Variants in RARB observed in about 807,000 individuals in gnomAD.
RARB encodes the protein retinoic acid receptor beta, also known as HBV-activated protein.
RARB carries 17 observed loss-of-function variants against 51.9 expected under a neutral mutation model. The ratio of observed to expected loss-of-function variants is 0.33; its 90% CI spans 0.22 to 0.49. The LOEUF is 0.49. Among genes scored for constraint, RARB ranks in the 20% least tolerant of loss-of-function variants. The probability of loss-of-function intolerance (pLI) is 0.99; values close to 1 mark genes in which losing one functional copy is unlikely to be tolerated. For synonymous variants in RARB, 215 were observed against 195.4 expected, an observed-to-expected ratio of 1.10 and a Z score of -0.84; for missense variants, 369 against 550.8, an observed-to-expected ratio of 0.67 and a Z score of 3.30.
At chr3:24,934,441 T>C (rs1273918695) in intron 2 of RARB, among the ~76,000 whole-genome samples, 1 of 152,116 alleles carries the variant, frequency 6.6e-6, no homozygotes, top group Non-Finnish European at 1.5e-5. Flanking sequence ...CTTTCTGAGT[T>C]ACACATTTGC....
intron 5 of RARB, among the ~76,000 whole-genome samples, chr3:25,252,435 G>C (rs1702747997): frequency 6.6e-6 from 1 of 152,088 alleles, no homozygotes; most frequent in Non-Finnish European, 1.5e-5. Flanking sequence ...AGATCAATTA[G>C]GTAAATATTG....
Position 25,174,752 on chromosome 3 carries a change from G to A in RARB, c.178+177G>A, listed in dbSNP as rs143567452. ...AGATATGATTTGAAACTAGACAAGT[G>A]GCAAATTTTAGAATTCAACCCGTTC... On this transcript the variant is annotated intron_variant, in intron 5 of 11. Coordinates refer to the RARB transcript ENST00000383772. Among the ~76,000 whole-genome samples, 338 of 152,222 alleles carry A rather than the reference G, an allele frequency of 2.2e-3. 3 individuals are homozygous for A. Among genetic ancestry groups the A allele is most frequent in the African/African-American group, 7.7e-3 (321 of 41,520 alleles).
chr3:25,105,155 G>A (rs376111765), intron 3 of RARB, among the ~76,000 whole-genome samples: 3 of 152,094 alleles, frequency 2.0e-5, no homozygotes, highest in East Asian at 3.9e-4. Flanking sequence ...TATTTTTAGT[G>A]TCAGACAGTT....
At chr3:25,040,530 C>A (rs550992090) in intron 2 of RARB, among the ~76,000 whole-genome samples, 2 of 152,104 alleles carry the variant, frequency 1.3e-5, no homozygotes, top group Non-Finnish European at 2.9e-5. Context: ...GACAGAAGTT[C>A]GAGACCAGCC....
intron 5 of RARB, among the ~76,000 whole-genome samples, chr3:25,252,747 GTGGAAGGAC>G (rs1450686878): frequency 2.6e-5 from 4 of 151,880 alleles, no homozygotes; most frequent in Non-Finnish European, 5.9e-5. Flanking sequence ...AAATTTTTTT[GTGGAAGGAC>G]TGCTTCAAAT....
intron 3 of RARB, among the ~76,000 whole-genome samples, chr3:25,083,257 T>A (rs1321792772): frequency 6.6e-6 from 1 of 152,170 alleles, no homozygotes; most frequent in Non-Finnish European, 1.5e-5. Context: ...TCTTACCAAA[T>A]CTGTCTTTTC....
At chr3:25,378,180 A>C (rs933574926) in intron 5 of RARB, among the ~76,000 whole-genome samples, 23 of 152,120 alleles carry the variant, frequency 1.5e-4, no homozygotes, top group Admixed American at 1.2e-3. Flanking sequence ...TTAGCACAAG[A>C]CTCGGGCATG....
chr3:24,989,973 G>T lies in RARB; in HGVS notation c.-379-70152G>T, dbSNP rs543403885. On this transcript the variant is annotated intron_variant, in intron 2 of 11. Transcript: ENST00000383772. ...CGCCACCGCGCCCGGCTAATTTTTT[G>T]TATTTTTAGTAGAGACGGGGTTTCA... Among the ~76,000 whole-genome samples, 357 of 93,526 alleles carry T rather than the reference G, an allele frequency of 3.8e-3. 101 individuals carry two copies. The highest frequency in any genetic ancestry group is 0.014 in the African/African-American group (336 of 23,362). 61.4% of individuals were successfully genotyped at this position (93,526 alleles called of 152,430 possible).
intron 3 of RARB, among the ~76,000 whole-genome samples, chr3:25,504,390 C>T (rs1332292198): frequency 2.6e-5 from 4 of 152,158 alleles, no homozygotes; most frequent in African/African-American, 9.7e-5. Flanking sequence ...TCTCATTGGC[C>T]TAACTTGGGT....
chr3:25,015,645 C>T (rs1697492726), intron 2 of RARB, among the ~76,000 whole-genome samples: 1 of 152,142 alleles, frequency 6.6e-6, no homozygotes, highest in Non-Finnish European at 1.5e-5. Flanking sequence ...CCTCTTGATG[C>T]ACTCTGAAGT....
chr3:25,560,573 A>G (rs1313694348), intron 3 of RARB, among the ~76,000 whole-genome samples: 1 of 152,224 alleles, frequency 6.6e-6, no homozygotes, highest in East Asian at 1.9e-4. Context: ...CAGTCCTAAC[A>G]TTAGAGGTGA....
chr3:25,183,287 C>T (rs187024995), intron 5 of RARB, among the ~76,000 whole-genome samples: 172 of 152,102 alleles, frequency 1.1e-3, no homozygotes, highest in African/African-American at 3.9e-3. Context: ...TTTTTTATTA[C>T]TGCATAGCCA....
chr3:24,948,875 C>A (rs1695829936), intron 2 of RARB, among the ~76,000 whole-genome samples: 1 of 152,236 alleles, frequency 6.6e-6, no homozygotes, highest in African/African-American at 2.4e-5. Flanking sequence ...ATCCTGGGGC[C>A]CTCACCAGAA....
chr3:24,866,298 C>A (rs1036032537), intron 2 of RARB, among the ~76,000 whole-genome samples: 12 of 152,104 alleles, frequency 7.9e-5, no homozygotes, highest in Non-Finnish European at 1.8e-4. Flanking sequence ...ACTACCTTGT[C>A]CAGTCCTCAA....
At chr3:25,203,063 G>A (rs1273800359) in intron 5 of RARB, among the ~76,000 whole-genome samples, 1 of 152,198 alleles carries the variant, frequency 6.6e-6, no homozygotes, top group Non-Finnish European at 1.5e-5. Context: ...TACTGTGGAA[G>A]TCTAAGTCTC....
intron 2 of RARB, among the ~76,000 whole-genome samples, chr3:24,962,525 C>T (rs1239785479): frequency 6.6e-6 from 1 of 152,200 alleles, no homozygotes; most frequent in Non-Finnish European, 1.5e-5. Context: ...CGATACCAGT[C>T]CATGGCCTTT....
At chr3:25,193,042 G>A (rs2649622) in intron 5 of RARB, among the ~76,000 whole-genome samples, 146,534 of 152,162 alleles carry the variant, frequency 0.96, 70,577 homozygotes, top group African/African-American at 0.98. Flanking sequence ...TTCATTCACT[G>A]TTTAACCAAA....
chr3:25,387,838 G>T (rs1261521784), intron 5 of RARB, among the ~76,000 whole-genome samples: 1 of 151,714 alleles, frequency 6.6e-6, no homozygotes, highest in Non-Finnish European at 1.5e-5. Flanking sequence ...ATGATGGCAA[G>T]GCTCAGAAAT....
At chr3:25,277,848 C>T (rs908946117) in intron 5 of RARB, among the ~76,000 whole-genome samples, 28 of 152,174 alleles carry the variant, frequency 1.8e-4, no homozygotes, top group Non-Finnish European at 3.4e-4. Flanking sequence ...CACAACATGT[C>T]TTGTACCTCA....
Sources: gnomAD v4.1 joint callset for allele counts (sites outside exome capture counted in the v4.1 genomes callset) on GRCh38, gnomAD v4.1.1 for gene constraint, MANE v1.5 for transcripts, NCBI Gene and HGNC (gene_info 2026-07-23, HGNC 2026-07-21) for gene names.